KAZN: variants seen among roughly 807,000 people sequenced by gnomAD.
KAZN encodes the protein kazrin.
Under a neutral mutation model 87.4 loss-of-function variants are expected in KAZN, and 40 were observed. The observed-to-expected ratio is 0.46, with a 90% CI of 0.36 to 0.60. The LOEUF is 0.60. Among genes scored for constraint, KAZN ranks in the 20% least tolerant of loss-of-function variants. The pLI is 0.00. For missense variants in KAZN, 898 were observed against 1,073.9 expected, an observed-to-expected ratio of 0.84 and a Z score of 2.29; for synonymous variants, 466 against 458.3, an observed-to-expected ratio of 1.02 and a Z score of -0.22.
chr1:13,982,293 G>A (rs900387283), intron 1 of KAZN, among the ~76,000 whole-genome samples: 3 of 152,172 alleles, frequency 2.0e-5, no homozygotes, highest in African/African-American at 7.2e-5. Context: ...GAATGAAGCC[G>A]TGAACCCTCA....
intron 1 of KAZN, among the ~76,000 whole-genome samples, chr1:14,825,461 C>G (rs1433741925): frequency 1.3e-5 from 2 of 152,178 alleles, no homozygotes; most frequent in Non-Finnish European, 2.9e-5. Flanking sequence ...CTGAAAAAAC[C>G]ATAACGATGT....
At chr1:14,323,966 T>G (rs1656226878) in intron 2 of KAZN, among the ~76,000 whole-genome samples, 1 of 152,212 alleles carries the variant, frequency 6.6e-6, no homozygotes, top group African/African-American at 2.4e-5. Context: ...GGCTCTGTAT[T>G]TCTTTCCTTT....
intron 1 of KAZN, among the ~76,000 whole-genome samples, chr1:14,112,792 C>T (rs946790291): frequency 1.3e-5 from 2 of 152,188 alleles, no homozygotes; most frequent in African/African-American, 2.4e-5. Flanking sequence ...CTTGTTCCTG[C>T]CATGCCCTTT....
intron 2 of KAZN, among the ~76,000 whole-genome samples, chr1:14,258,357 A>T (rs912345946): frequency 1.3e-5 from 2 of 150,022 alleles, no homozygotes; most frequent in Non-Finnish European, 3.0e-5. Context: ...CTGGGACTAC[A>T]AGTGCCCGCC....
chr1:14,119,030 A>AACAG (rs1478826477), intron 1 of KAZN, among the ~76,000 whole-genome samples: 3 of 151,778 alleles, frequency 2.0e-5, no homozygotes, highest in Non-Finnish European at 4.4e-5. Flanking sequence ...TTGCAAAACA[A>AACAG]ACAAAAAAAA....
intron 1 of KAZN, among the ~76,000 whole-genome samples, chr1:14,049,350 A>G (rs1481497604): frequency 6.6e-6 from 1 of 152,152 alleles, no homozygotes; most frequent in Non-Finnish European, 1.5e-5. Flanking sequence ...TAGCATTAGG[A>G]GGTATACCTA....
chr1:14,442,363 G>A (rs75252943), intron 2 of KAZN, among the ~76,000 whole-genome samples: 3,700 of 152,280 alleles, frequency 0.024, 69 homozygotes, highest in East Asian at 0.06. Context: ...TTTAAAATTG[G>A]GGCTCAGAGA....
At chr1:15,088,066 G>A (rs192921503) in intron 8 of KAZN, among the ~76,000 whole-genome samples, 8 of 152,310 alleles carry the variant, frequency 5.3e-5, no homozygotes, top group East Asian at 1.9e-4. Context: ...TAGGCCAGGC[G>A]TTTCTCTATG....
intron 1 of KAZN, among the ~76,000 whole-genome samples, chr1:14,900,595 A>G (rs1263316297): frequency 6.6e-6 from 1 of 152,046 alleles, no homozygotes; most frequent in Non-Finnish European, 1.5e-5. Context: ...CTACTAAAAA[A>G]TAGAAAAAAT....
intron 2 of KAZN, among the ~76,000 whole-genome samples, chr1:15,006,738 C>T (rs577914758): frequency 8.5e-5 from 13 of 152,228 alleles, no homozygotes; most frequent in East Asian, 1.9e-4. Context: ...GGGTGGGATG[C>T]GCCAAGGATT....
intron 5 of KAZN, among the ~76,000 whole-genome samples, chr1:15,059,114 T>C (rs1195273698): frequency 6.6e-6 from 1 of 151,866 alleles, no homozygotes; most frequent in African/African-American, 2.4e-5. Context: ...TTTTTTTTTT[T>C]TTTGGAGAGA....
chr1:14,850,294 G>T (rs564266938), intron 1 of KAZN, among the ~76,000 whole-genome samples: 1 of 152,126 alleles, frequency 6.6e-6, no homozygotes, highest in East Asian at 1.9e-4. Context: ...ATGTGAATGT[G>T]CTGGGGAAGA....
At chr1:14,303,816 C>T (rs1169201720) in intron 2 of KAZN, among the ~76,000 whole-genome samples, 1 of 152,174 alleles carries the variant, frequency 6.6e-6, no homozygotes, top group Non-Finnish European at 1.5e-5. Flanking sequence ...ATGAATCCAA[C>T]ATCCACAAGT....
At chr1:14,702,963 G>A (rs1478623989) in intron 1 of KAZN, among the ~76,000 whole-genome samples, 1 of 152,182 alleles carries the variant, frequency 6.6e-6, no homozygotes, top group Admixed American at 6.6e-5. Flanking sequence ...CTAGAAACTG[G>A]CTGTGCTAAG....
chr1:14,729,823 TTTTG>T (rs1474958497), intron 1 of KAZN, among the ~76,000 whole-genome samples: 6 of 152,182 alleles, frequency 3.9e-5, no homozygotes, highest in African/African-American at 9.7e-5. Context: ...ATGATGGTTT[TTTTG>T]TTTGTTTGTT....
intron 1 of KAZN, among the ~76,000 whole-genome samples, chr1:14,880,695 C>T (rs1653244862): frequency 6.6e-6 from 1 of 152,166 alleles, no homozygotes; most frequent in Non-Finnish European, 1.5e-5. Context: ...TCAGCTGGGA[C>T]TGCCAACTGG....
chr1:13,967,318 G>C (rs1192198539), intron 1 of KAZN, among the ~76,000 whole-genome samples: 4 of 152,116 alleles, frequency 2.6e-5, no homozygotes, highest in Non-Finnish European at 5.9e-5. Flanking sequence ...TACCCTGCAA[G>C]GAATGCAAGT....
At chr1:14,384,184 G>C (rs1185816354) in intron 2 of KAZN, among the ~76,000 whole-genome samples, 1 of 151,040 alleles carries the variant, frequency 6.6e-6, no homozygotes, top group East Asian at 1.9e-4. Flanking sequence ...AGACTTTGCT[G>C]AAGTTGCTTA....
chr1:14,550,894 C>T (rs1380051270), intron 2 of KAZN, among the ~76,000 whole-genome samples: 1 of 151,216 alleles, frequency 6.6e-6, no homozygotes, highest in Admixed American at 6.6e-5. Flanking sequence ...GTGAACCACC[C>T]CCATCCCCAG....
Sources: allele counts gnomAD v4.1 joint callset (sites outside exome capture counted in the v4.1 genomes callset), GRCh38; gene constraint gnomAD v4.1.1; transcripts MANE v1.5; gene names NCBI Gene and HGNC (gene_info 2026-07-23, HGNC 2026-07-21).